SPATA6L: variants seen among roughly 807,000 people sequenced by gnomAD.
SPATA6L encodes spermatogenesis associated 6 like, also known as spermatogenesis associated 6-like protein.
Under a neutral mutation model 49.2 loss-of-function variants are expected in SPATA6L, and 68 were observed. The observed-to-expected ratio is 1.38, with a 90% CI of 1.14 to 1.69. The LOEUF is 1.69. Ranked by LOEUF, SPATA6L falls within the 40% of genes most tolerant of loss-of-function variation. The pLI, the probability that SPATA6L is intolerant of heterozygous loss-of-function variation, is 0.00. For missense variants in SPATA6L, 668 were observed against 464.3 expected (o/e 1.44, Z -4.03); for synonymous variants, 198 against 165.7 (o/e 1.19, Z -1.50).
Position 4,602,211 on chromosome 9 carries a change from C to T in SPATA6L, c.*2-1402G>A, listed in dbSNP as rs902967677. Among the ~76,000 whole-genome samples the T allele has an allele frequency of 2.8e-4, 43 of 151,910 alleles. 1 individual carries two copies. The highest frequency in any genetic ancestry group is 1.9e-4 in the Non-Finnish European group (13 of 68,000). On this transcript the variant is annotated intron_variant, in intron 11 of 11. Coordinates refer to ENST00000682582, the MANE Select transcript of SPATA6L (RefSeq NM_001353486.2). ...TGTCCACATATCAGCTGGTTCAGGG[C>T]TCTATGTAACTTGATATTACCCATG...
chr9:4,666,364 CCAGTCCCA>C lies in SPATA6L; in HGVS notation c.-122_-115del. 1 of 1,115,100 alleles carries C rather than the reference CCAGTCCCA, an allele frequency of 9.0e-7. No individual in the cohort carries two copies. The highest frequency in any genetic ancestry group is 1.3e-6 in the Non-Finnish European group (1 of 743,096). The allele number at this position is 1,115,100 out of a possible 1,614,324, so 69.1% of individuals were successfully genotyped here. The stretch of plus-strand genomic sequence containing the variant: ...AGAGCAAATGTTCCCAGAAGCTTCC[CCAGTCCCA>C]CGCCCTTGTTCCCCTACCGTCCCCC... On this transcript the variant is annotated 5_prime_UTR_variant, in exon 1 of 12. Coordinates refer to ENST00000682582, the MANE Select transcript of SPATA6L (RefSeq NM_001353486.2).
Position 4,610,278 on chromosome 9 carries a change from C to A in SPATA6L, c.996-4838G>T, listed in dbSNP as rs1307062227. ...ATCAAGCTACCAATGACTTTCTTCA[C>A]AGAATTGGAAAAAACTACTTTAAAG... On this transcript the variant is annotated intron_variant, in intron 9 of 11. Coordinates refer to ENST00000682582, the MANE Select transcript of SPATA6L (RefSeq NM_001353486.2). Among the ~76,000 whole-genome samples, 6 of 148,824 alleles carry A rather than the reference C, an allele frequency of 4.0e-5. No homozygotes were observed. In the East Asian group the frequency reaches 9.8e-4, roughly 24 times the overall value.
intron 2 of SPATA6L, among the ~76,000 whole-genome samples, chr9:4,660,546 A>G (rs1464368832): frequency 3.9e-5 from 6 of 152,164 alleles, no homozygotes; most frequent in African/African-American, 7.2e-5. Flanking sequence ...TGCTGGAGAG[A>G]ATGTGGAGAA....
chr9:4,657,167 G>T (rs1409702662), intron 2 of SPATA6L, among the ~76,000 whole-genome samples: 2 of 151,890 alleles, frequency 1.3e-5, no homozygotes, highest in African/African-American at 4.8e-5. Context: ...AGCAGAGCTT[G>T]ATTTCAGGCT....
chr9:4,598,289 T>C (rs1822477595), downstream of SPATA6L, among the ~76,000 whole-genome samples: 1 of 152,138 alleles, frequency 6.6e-6, no homozygotes, highest in African/African-American at 2.4e-5. Flanking sequence ...AGAAAGGAAT[T>C]ATAAACTGAA....
At chr9:4,606,227 C>A (rs1187470514) in intron 9 of SPATA6L, among the ~76,000 whole-genome samples, 4 of 147,802 alleles carry the variant, frequency 2.7e-5, no homozygotes, top group South Asian at 2.1e-4. Context: ...GGGGGAGGGG[C>A]GCCCGCCATT....
chr9:4,635,220 C>A, intron 4 of SPATA6L, 55 bp downstream of exon 4: 2 of 1,450,790 alleles, frequency 1.4e-6, no homozygotes, highest in South Asian at 1.6e-5. Flanking sequence ...ATAAAACGTT[C>A]AGGTCCCAAG....
intron 3 of SPATA6L, among the ~76,000 whole-genome samples, chr9:4,638,338 A>G (rs1426893336): frequency 1.3e-5 from 2 of 152,000 alleles, no homozygotes; most frequent in Non-Finnish European, 2.9e-5. Context: ...CAGCCTCCCA[A>G]GCAGCTGGGA....
At chr9:4,637,194 A>T (rs1019467017) in intron 3 of SPATA6L, among the ~76,000 whole-genome samples, 1 of 152,096 alleles carries the variant, frequency 6.6e-6, no homozygotes, top group Non-Finnish European at 1.5e-5. Context: ...GCTGTCCCTC[A>T]AACACGCCAA....
At position 4,599,710 on chromosome 9, in the gene SPATA6L, G is replaced by T. The variant is rs575020186; in HGVS notation, c.*1101C>A. Among the ~76,000 whole-genome samples the T allele has an allele frequency of 1.4e-4, 21 of 152,168 alleles. No individual in the cohort carries two copies. Among genetic ancestry groups the T allele is most frequent in the Admixed American group, 7.9e-4 (12 of 15,284 alleles). ...GGAAGGGGCAAACGAGCTCCCTTGAGCCTATTTATAGGGCACTAATCTCAT... is the reference window on the plus strand; with the variant it reads ...GGAAGGGGCAAACGAGCTCCCTTGATCCTATTTATAGGGCACTAATCTCAT... On this transcript the variant is annotated 3_prime_UTR_variant, in exon 12 of 12. Coordinates refer to ENST00000682582, the MANE Select transcript of SPATA6L (RefSeq NM_001353486.2).
downstream of SPATA6L, among the ~76,000 whole-genome samples, chr9:4,595,582 A>G (rs1482449927): frequency 6.6e-6 from 1 of 152,140 alleles, no homozygotes; most frequent in Non-Finnish European, 1.5e-5. Flanking sequence ...CCTCTTCTCT[A>G]TATACATATG....
chr9:4,643,877 G>A (rs939243914), intron 3 of SPATA6L, among the ~76,000 whole-genome samples: 2 of 151,998 alleles, frequency 1.3e-5, no homozygotes, highest in African/African-American at 4.8e-5. Context: ...CGCATTGGCA[G>A]GTGCCCATAA....
Position 4,606,740 on chromosome 9 carries a change from TC to T in SPATA6L, c.996-1301del, listed in dbSNP as rs1212459477. Among the ~76,000 whole-genome samples the T allele has an allele frequency of 1.8e-4, 27 of 146,260 alleles. 1 individual carries two copies. Among genetic ancestry groups the T allele is most frequent in the African/African-American group, 6.7e-4 (26 of 38,598 alleles). On this transcript the variant is annotated intron_variant, in intron 9 of 11. Transcript: ENST00000682582. The stretch of plus-strand genomic sequence containing the variant: ...GAAACTCTAAAAAGCAGAGCGCCTC[TC>T]CTCCTCCAAAGGAATGCAGTTCCTC...
chr9:4,605,244 T>C, intron 10 of SPATA6L, 103 bp downstream of exon 10: 1 of 856,232 alleles, frequency 1.2e-6, no homozygotes, highest in Non-Finnish European at 1.9e-6. Flanking sequence ...TTCCACTTAT[T>C]TCTGTGGTTA....
Position 4,604,285 on chromosome 9 carries a change from A to G in SPATA6L, c.1090-16T>C, listed in dbSNP as rs1824145703. 2.6e-6 allele frequency: 4 copies of G among 1,535,502 alleles called. No individual in the cohort carries two copies. The highest frequency in any genetic ancestry group is 2.7e-6 in the Non-Finnish European group (3 of 1,110,668). ...TAGAATCTTCCTACAATAAAAACAA[A>G]TCCAGCAATTATGTTACCCATAACA... is the stretch of plus-strand genomic sequence containing the variant. On this transcript the variant is annotated splice_polypyrimidine_tract_variant and intron_variant, in intron 10 of 11. Coordinates refer to ENST00000682582, the MANE Select transcript of SPATA6L (RefSeq NM_001353486.2).
intron 3 of SPATA6L, among the ~76,000 whole-genome samples, chr9:4,636,928 C>G (rs895674366): frequency 6.6e-6 from 1 of 152,168 alleles, no homozygotes; most frequent in African/African-American, 2.4e-5. Flanking sequence ...ACTGCCATGG[C>G]TGTAGTTGAT....
At chr9:4,643,530 C>A (rs1834527755) in intron 3 of SPATA6L, among the ~76,000 whole-genome samples, 1 of 151,878 alleles carries the variant, frequency 6.6e-6, no homozygotes, top group South Asian at 2.1e-4. Context: ...AAATGCTCAA[C>A]AATATTAATT....
intron 9 of SPATA6L, among the ~76,000 whole-genome samples, chr9:4,606,166 T>G (rs947033345): frequency 9.2e-5 from 14 of 151,498 alleles, no homozygotes; most frequent in Non-Finnish European, 1.6e-4. Context: ...GGAGTCTCGC[T>G]GATTGCTAGC....
intron 9 of SPATA6L, among the ~76,000 whole-genome samples, chr9:4,607,952 C>G (rs1181462313): frequency 2.0e-5 from 3 of 151,738 alleles, no homozygotes; most frequent in Non-Finnish European, 4.4e-5. Flanking sequence ...GGAGGAAGAT[C>G]TATCAAGCAA....
Sources: gnomAD v4.1 joint callset for allele counts (sites outside exome capture counted in the v4.1 genomes callset) on GRCh38, gnomAD v4.1.1 for gene constraint, MANE v1.5 for transcripts, NCBI Gene and HGNC (gene_info 2026-07-23, HGNC 2026-07-21) for gene names.